CACNB4: variants seen among roughly 807,000 people sequenced by gnomAD.
The protein encoded by CACNB4 is voltage-dependent L-type calcium channel subunit beta-4.
A neutral mutation model predicts 71.2 loss-of-function variants in CACNB4; 32 were observed. The ratio of observed to expected loss-of-function variants is 0.45; its 90% confidence interval spans 0.34 to 0.60. The LOEUF (loss-of-function observed/expected upper bound fraction) is 0.60, where lower values mean the gene tolerates loss of function less well. CACNB4 is among the 20% of genes least tolerant of loss of function. CACNB4 has a pLI of 0.01. For missense variants in CACNB4, 464 were observed against 647.9 expected (o/e 0.72, Z 3.08); for synonymous variants, 231 against 236.9 (o/e 0.97, Z 0.23).
rs530277673 is a variant in CACNB4, at chr2:151,836,432, C to A, written c.*2687G>T. 6.6e-6 allele frequency: 1 copy of A among 151,822 alleles called. No homozygotes were observed. Among genetic ancestry groups the A allele is most frequent in the South Asian group, 2.1e-4 (1 of 4,824 alleles). The allele number at this position is 151,822 out of a possible 1,614,324, so 9.4% of individuals were successfully genotyped here. A position where few individuals can be genotyped will look rare whatever the true frequency, so the allele number is the denominator to read the frequency against. On this transcript the variant is annotated 3_prime_UTR_variant, in exon 14 of 14. Transcript: ENST00000539935. ...ATCTAGATTTTAAGTATCATTTACA[C>A]AATAAACTCTTAAGTCTTTAAAAAA...
intron 2 of CACNB4, among the ~76,000 whole-genome samples, chr2:151,974,700 C>T (rs1261161981): frequency 2.0e-5 from 3 of 151,882 alleles, no homozygotes; most frequent in South Asian, 2.1e-4. Context: ...CAAATAGAAA[C>T]GTCAGACTCC....
Position 152,018,806 on chromosome 2 carries a change from A to AACACACACACACACACAC in CACNB4, c.147+79506_147+79523dup, listed in dbSNP as rs10600477. On this transcript the variant is annotated intron_variant, in intron 2 of 13. Coordinates refer to ENST00000539935, the MANE Select transcript of CACNB4 (RefSeq NM_000726.5). ...GCAACATAGTAAGACCCTGTCTCAA[A>AACACACACACACACACAC]ACACACACACACACACACACACACA... Among the ~76,000 whole-genome samples the AACACACACACACACACAC allele has an allele frequency of 1.6e-3, 237 of 146,684 alleles. 1 individual carries two copies. Among genetic ancestry groups the AACACACACACACACACAC allele is most frequent in the African/African-American group, 5.8e-3 (228 of 39,038 alleles).
At chr2:151,952,054 C>T (rs922245227) in intron 2 of CACNB4, among the ~76,000 whole-genome samples, 1 of 152,144 alleles carries the variant, frequency 6.6e-6, no homozygotes, top group Non-Finnish European at 1.5e-5. Flanking sequence ...TAACACCTAC[C>T]TCAACTACTC....
Position 152,098,484 on chromosome 2 carries a change from G to C in CACNB4, c.64-71C>G. 4.8e-6 allele frequency: 7 copies of C among 1,452,022 alleles called. No homozygotes were observed. Among genetic ancestry groups the C allele is most frequent in the Non-Finnish European group, 6.8e-6 (7 of 1,034,002 alleles). The allele number at this position is 1,452,022 out of a possible 1,614,324, so 89.9% of individuals were successfully genotyped here. ...AGCGCAGAGCGGGGCGACCACCCCC[G>C]GCTGGAGTCCGCCTCCGGACCCGCT... On this transcript the variant is annotated intron_variant, in intron 1 of 13. Transcript: ENST00000539935. This position sits in a 1 kb window ranked among gnomAD's most constrained non-coding sequence, Gnocchi z 5.3.
At chr2:151,946,501 T>C (rs998158289) in intron 2 of CACNB4, among the ~76,000 whole-genome samples, 3 of 152,192 alleles carry the variant, frequency 2.0e-5, no homozygotes, top group Admixed American at 6.5e-5. Context: ...GTTACTGAGA[T>C]GCAAATGTTA....
intron 2 of CACNB4, among the ~76,000 whole-genome samples, chr2:151,906,943 A>G (rs528750846): frequency 1.3e-5 from 2 of 152,290 alleles, no homozygotes; most frequent in South Asian, 2.1e-4. Context: ...CTTAGTTCCC[A>G]TTAAAATTAC....
intron 2 of CACNB4, among the ~76,000 whole-genome samples, chr2:151,956,676 G>T (rs1461460035): frequency 6.6e-6 from 1 of 152,154 alleles, no homozygotes; most frequent in Non-Finnish European, 1.5e-5. Context: ...GAATTCCTTG[G>T]TATGTGAATT....
intron 2 of CACNB4, among the ~76,000 whole-genome samples, chr2:151,907,025 G>T (rs2099855000): frequency 6.6e-6 from 1 of 151,854 alleles, no homozygotes; most frequent in South Asian, 2.1e-4. Context: ...CCACTAGCTT[G>T]TGTACTCTGA....
At chr2:151,920,021 T>C (rs2099858514) in intron 2 of CACNB4, among the ~76,000 whole-genome samples, 1 of 152,240 alleles carries the variant, frequency 6.6e-6, no homozygotes, top group Non-Finnish European at 1.5e-5. Context: ...ATTTCCAAGT[T>C]AAATGCCTTG....
At chr2:151,878,691 G>A (rs1311866185) in intron 4 of CACNB4, among the ~76,000 whole-genome samples, 3 of 146,498 alleles carry the variant, frequency 2.0e-5, no homozygotes, top group South Asian at 2.2e-4. Flanking sequence ...TAGTATAGTA[G>A]TGTACTACTA....
intron 2 of CACNB4, among the ~76,000 whole-genome samples, chr2:152,035,131 T>A (rs1469205481): frequency 1.3e-5 from 2 of 152,246 alleles, no homozygotes; most frequent in Non-Finnish European, 2.9e-5. Context: ...AGACATAATG[T>A]CTGACATCAA....
intron 2 of CACNB4, among the ~76,000 whole-genome samples, chr2:152,019,878 T>C (rs62175072): frequency 0.059 from 9,047 of 152,242 alleles, 301 homozygotes; most frequent in Non-Finnish European, 0.077. Context: ...AGGAGGACTG[T>C]GCAGTGGGTA....
At chr2:151,889,956 G>A (rs978515322) in intron 2 of CACNB4, among the ~76,000 whole-genome samples, 12 of 152,096 alleles carry the variant, frequency 7.9e-5, no homozygotes, top group Non-Finnish European at 1.3e-4. Context: ...GTGGTTACTT[G>A]ACCAAGGTTG....
rs111419402 is a variant in CACNB4 at position 151,914,460 on chromosome 2, C to A, written c.148-31090G>T. On this transcript the variant is annotated intron_variant, in intron 2 of 13. Coordinates refer to ENST00000539935, the MANE Select transcript of CACNB4 (RefSeq NM_000726.5). ...GTTTTTTATTACCCATCTTCTGAAG[C>A]CTACTTCTGTCAATTCATCCATCTG... Among the ~76,000 whole-genome samples the A allele has an allele frequency of 9.5e-3, 1,440 of 152,282 alleles. 25 individuals carry two copies. Among genetic ancestry groups the A allele is most frequent in the African/African-American group, 0.033 (1,389 of 41,540 alleles).
chr2:152,032,310 C>G (rs1684331634), intron 2 of CACNB4, among the ~76,000 whole-genome samples: 1 of 152,196 alleles, frequency 6.6e-6, no homozygotes, highest in Admixed American at 6.5e-5. Flanking sequence ...GAAGGGGCAA[C>G]AGCCATGTCT....
At chr2:151,917,545 C>T (rs116684758) in intron 2 of CACNB4, among the ~76,000 whole-genome samples, 81 of 152,188 alleles carry the variant, frequency 5.3e-4, no homozygotes, top group African/African-American at 1.8e-3. Context: ...CAGATATACA[C>T]AAGATTTCTG....
intron 2 of CACNB4, among the ~76,000 whole-genome samples, chr2:152,030,715 G>A (rs955983284): frequency 1.3e-5 from 2 of 152,188 alleles, no homozygotes; most frequent in Non-Finnish European, 2.9e-5. Flanking sequence ...TTCTGTCCCT[G>A]CAATAGTTTG....
At chr2:151,974,663 A>AT (rs2151739501) in intron 2 of CACNB4, among the ~76,000 whole-genome samples, 1 of 152,320 alleles carries the variant, frequency 6.6e-6, no homozygotes, top group Non-Finnish European at 1.5e-5. Context: ...ATAATCCTGA[A>AT]GTGGCATTGG....
intron 2 of CACNB4, among the ~76,000 whole-genome samples, chr2:152,042,797 A>G (rs2680978): frequency 0.014 from 2,195 of 152,246 alleles, 60 homozygotes; most frequent in African/African-American, 0.05. Context: ...CTGCATTCCC[A>G]GGAGATTAAG....
Sources: allele counts gnomAD v4.1 joint callset (sites outside exome capture counted in the v4.1 genomes callset), GRCh38; gene constraint gnomAD v4.1.1; non-coding constraint Gnocchi (gnomAD v3.1); transcripts MANE v1.5; gene names NCBI Gene and HGNC (gene_info 2026-07-23, HGNC 2026-07-21).